The following ATP1A2 variants were observed in gnomAD, a reference collection of about 807,000 sequenced individuals.
ATP1A2 encodes the protein ATPase Na+/K+ transporting subunit alpha 2.
Under a neutral mutation model 113.1 loss-of-function variants are expected in ATP1A2, and 56 were observed. The observed-to-expected ratio is 0.49, with a 90% CI of 0.40 to 0.62. The LOEUF (loss-of-function observed/expected upper bound fraction) is 0.62. Ranked by LOEUF, ATP1A2 falls within the 20% of genes least tolerant of loss-of-function variation. The pLI, the probability that ATP1A2 is intolerant of heterozygous loss-of-function variation, is 0.00. For synonymous variants in ATP1A2, 490 were observed against 526.8 expected (o/e 0.93, Z 0.96); for missense variants, 712 against 1,357.8 (o/e 0.52, Z 7.47).
intron 13 of ATP1A2, among the ~76,000 whole-genome samples, chr1:160,133,174 G>C (rs1651821452): frequency 6.6e-6 from 1 of 152,088 alleles, no homozygotes; most frequent in Non-Finnish European, 1.5e-5. Context: ...AGGGAAAACA[G>C]GAATGGAGGA....
chr1:160,124,520 G>A, intron 6 of ATP1A2, 90 bp downstream of exon 6: 5 of 1,542,466 alleles, frequency 3.2e-6, no homozygotes, highest in Non-Finnish European at 4.4e-6. Context: ...TAAAGGTGGA[G>A]AGACCCAGGT....
chr1:160,119,555 G>A (rs1244192527), intron 1 of ATP1A2, among the ~76,000 whole-genome samples: 2 of 152,064 alleles, frequency 1.3e-5, no homozygotes, highest in African/African-American at 4.8e-5. Context: ...GCCTTCCTCA[G>A]CCTCTATCCT....
At position 160,135,243 on chromosome 1, in the gene ATP1A2, C is replaced by T; in HGVS notation, c.2063C>T (p.Ala688Val). Residue 688 changes from alanine to valine, a missense_variant, in exon 15 of 23, where the codon GCT becomes GTT. Ala to Val is a moderately conservative substitution (Grantham distance 64, BLOSUM62 0). Around this residue, in one of 6 missense-constraint regions of ATP1A2, gnomAD observed 263 missense variants for 380.6 expected, o/e 0.69. Transcript: ENST00000361216. This position sits in a 1 kb window ranked among gnomAD's most constrained non-coding sequence, Gnocchi z 6.3. ...AAGAACCACACAGAGATCGTCTTTG[C>T]TCGAACGTCTCCCCAGCAGAAGCTC... is the stretch of plus-strand genomic sequence containing the variant. ...ILKNHTEIVF[A>V]RTSPQQKLII... is the part of the protein sequence containing the mutation. 1 of 1,614,194 alleles carries T rather than the reference C, an allele frequency of 6.2e-7. No individual in the cohort carries two copies. Among genetic ancestry groups the T allele is most frequent in the Non-Finnish European group, 8.5e-7 (1 of 1,180,036 alleles).
At chr1:160,128,934 G>C (rs777688635) in intron 9 of ATP1A2, 46 bp from the exon 10 acceptor site, 8 of 1,597,062 alleles carry the variant, frequency 5.0e-6, no homozygotes, top group Non-Finnish European at 6.8e-6. Context: ...TGAGATAAAG[G>C]CTCTAAAGGG....
chr1:160,123,830 G>A, intron 4 of ATP1A2, 113 bp from the exon 5 acceptor site: 3 of 965,990 alleles, frequency 3.1e-6, no homozygotes, highest in Non-Finnish European at 4.9e-6. Context: ...CTCAGTCACA[G>A]ACAAAGGTCT....
In ATP1A2 at chr1:160,139,944, T is replaced by C; in HGVS notation, c.2994T>C (p.Tyr998=). ...CCTACAGCCTCCTCATCTTCATCTA[T>C]GATGAGGTCCGAAAGCTCATCCTGC... ...AFPYSLLIFI[Y]DEVRKLILRR... is the part of the protein sequence containing the mutation. Residue 998 remains tyrosine, a synonymous_variant, in exon 22 of 23, where the codon TAT becomes TAC. Transcript: ENST00000361216. 1 of 1,614,120 alleles carries C rather than the reference T, an allele frequency of 6.2e-7. No individual in the cohort carries two copies. Among genetic ancestry groups the C allele is most frequent in the South Asian group, 1.1e-5 (1 of 91,074 alleles).
chr1:160,130,301 C>A lies in ATP1A2; in HGVS notation c.1651+10C>A, dbSNP rs2101990543. ...GGGGAGCGTGTGCTGGGTGAGAGGCCAGAAACAGGAGGCTCAGAAGGGGAT... is the reference window on the plus strand; with the variant it reads ...GGGGAGCGTGTGCTGGGTGAGAGGCAAGAAACAGGAGGCTCAGAAGGGGAT... On this transcript the variant is annotated intron_variant, in intron 12 of 22. Transcript: ENST00000361216. The A allele has an allele frequency of 6.2e-7, 1 of 1,614,040 alleles. No homozygotes were observed. The highest frequency in any genetic ancestry group is 8.5e-7 in the Non-Finnish European group (1 of 1,179,980).
intron 8 of ATP1A2, 96 bp from the exon 9 acceptor site, chr1:160,128,556 A>G (rs1651658326): frequency 6.3e-7 from 1 of 1,586,434 alleles, no homozygotes; most frequent in African/African-American, 1.3e-5. Context: ...GTGGAGTAGA[A>G]TCAGGGGAGG....
chr1:160,135,759 G>A lies in ATP1A2; in HGVS notation c.2285-80G>A. 2 of 1,612,470 alleles carry A rather than the reference G, an allele frequency of 1.2e-6. No individual in the cohort carries two copies. The highest frequency in any genetic ancestry group is 1.7e-6 in the Non-Finnish European group (2 of 1,178,764). ...ACACAAAATCTTCCTCTCTTGGGAAGACAGGCAGCCATGCTTCAGGGGCTG... is the reference window on the plus strand; with the variant it reads ...ACACAAAATCTTCCTCTCTTGGGAAAACAGGCAGCCATGCTTCAGGGGCTG... On this transcript the variant is annotated intron_variant, in intron 16 of 22. Coordinates refer to ENST00000361216, the MANE Select transcript of ATP1A2 (RefSeq NM_000702.4). The surrounding 1 kb of genome is among the most constrained non-coding windows in gnomAD (Gnocchi z 6.3).
chr1:160,137,072 G>A, intron 20 of ATP1A2, 41 bp downstream of exon 20: 1 of 1,613,426 alleles, frequency 6.2e-7, no homozygotes, highest in Non-Finnish European at 8.5e-7. Context: ...CCCAGGCTCT[G>A]GGCACACTCA....
In ATP1A2 at chr1:160,115,882, C is replaced by T. The variant is rs1651159271; in HGVS notation, c.12+9C>T. 1.2e-6 allele frequency: 2 copies of T among 1,601,304 alleles called. No individual in the cohort carries two copies. Among genetic ancestry groups the T allele is most frequent in the Non-Finnish European group, 1.7e-6 (2 of 1,174,466 alleles). The stretch of plus-strand genomic sequence containing the variant: ...CCAAGATGGGCCGTGGGGTGAGTAT[C>T]CCTAAAGAGCAGGGGTCGCAGTCTA... On this transcript the variant is annotated intron_variant, in intron 1 of 22. Coordinates refer to ENST00000361216, the MANE Select transcript of ATP1A2 (RefSeq NM_000702.4).
Position 160,124,352 on chromosome 1 carries a change from G to A in ATP1A2, c.552G>A (p.Val184=), listed in dbSNP as rs1011988011. ...TGCAGATCAACGCAGAGGAAGTGGT[G>A]GTGGGAGACCTGGTGGAGGTGAAGG... is the stretch of plus-strand genomic sequence containing the variant. ...EKMQINAEEV[V]VGDLVEVKGG... The change falls in exon 6 of 23, where the codon GTG becomes GTA. Residue 184 remains valine, a synonymous_variant. Transcript: ENST00000361216. The A allele has an allele frequency of 3.1e-6, 5 of 1,612,542 alleles. No homozygotes were observed. The South Asian group carries it at 3.3e-5, about 11-fold the overall frequency.
At chr1:160,118,623 T>C (rs1651266883) in intron 1 of ATP1A2, among the ~76,000 whole-genome samples, 1 of 152,152 alleles carries the variant, frequency 6.6e-6, no homozygotes, top group Non-Finnish European at 1.5e-5. Flanking sequence ...GATTCATAGA[T>C]GCTTCAGGTG....
intron 13 of ATP1A2, among the ~76,000 whole-genome samples, chr1:160,133,105 T>A (rs1404275819): frequency 3.3e-5 from 5 of 152,108 alleles, no homozygotes; most frequent in Non-Finnish European, 7.4e-5. Flanking sequence ...AGCCACTGCT[T>A]CTTCCATCCT....
intron 1 of ATP1A2, among the ~76,000 whole-genome samples, chr1:160,119,116 A>T (rs1651286268): frequency 6.6e-6 from 1 of 151,928 alleles, no homozygotes; most frequent in Non-Finnish European, 1.5e-5. Context: ...ATAGTGGGTG[A>T]GGCTGTGCAT....
chr1:160,116,416 G>A (rs933917684), intron 1 of ATP1A2, among the ~76,000 whole-genome samples: 3 of 152,054 alleles, frequency 2.0e-5, no homozygotes, highest in Non-Finnish European at 4.4e-5. Flanking sequence ...AGCTGGGCGG[G>A]GTGTGGGGAG....
intron 17 of ATP1A2, 51 bp downstream of exon 17, chr1:160,136,044 A>G (rs1651925515): frequency 6.2e-7 from 1 of 1,613,720 alleles, no homozygotes; most frequent in Non-Finnish European, 8.5e-7. Context: ...GTGATGGCAC[A>G]GTGGCAGGGA....
At chr1:160,116,796 G>A (rs1651200156) in intron 1 of ATP1A2, among the ~76,000 whole-genome samples, 1 of 152,144 alleles carries the variant, frequency 6.6e-6, no homozygotes, top group African/African-American at 2.4e-5. Flanking sequence ...TGCCTAGGGG[G>A]AGCCGTGGGT....
In ATP1A2 at chr1:160,129,001, C is replaced by A. The variant is rs377054439; in HGVS notation, c.1238C>A (p.Ser413Tyr). 6.2e-7 allele frequency: 1 copy of A among 1,607,588 alleles called. No homozygotes were observed. The highest frequency in any genetic ancestry group is 8.5e-7 in the Non-Finnish European group (1 of 1,176,556). ...CCAGGGGCCACTTTTGACAAACGAT[C>A]CCCTACGTGGACGGCCCTGTCTCGA... ...DQSGATFDKR[S>Y]PTWTALSRIA... is the part of the protein sequence containing the mutation. The change falls in exon 10 of 23, where the codon TCC becomes TAC. Residue 413 changes from serine (S) to tyrosine (Y), a missense_variant. Ser to Tyr is a moderately radical substitution (Grantham distance 144). Transcript: ENST00000361216.
Sources: gnomAD v4.1 joint callset for allele counts (sites outside exome capture counted in the v4.1 genomes callset) on GRCh38, gnomAD v4.1.1 for gene constraint, gnomAD v4.1.1 regional missense constraint, Gnocchi (gnomAD v3.1) non-coding constraint, MANE v1.5 for transcripts, NCBI Gene and HGNC (gene_info 2026-07-23, HGNC 2026-07-21) for gene names.